The following ABCG2 variants were observed in gnomAD, a reference collection of about 807,000 sequenced individuals.
The protein encoded by ABCG2 is broad substrate specificity ATP-binding cassette transporter ABCG2.
A neutral mutation model predicts 73.5 loss-of-function variants in ABCG2; 80 were observed. That is an observed-to-expected ratio of 1.09 (90% CI 0.91 to 1.31). The LOEUF is 1.31. Among genes scored for constraint, ABCG2 ranks in the 50% most tolerant of loss-of-function variants. The pLI is 0.00. For synonymous variants in ABCG2, 269 were observed against 282.4 expected, an observed-to-expected ratio of 0.95 and a Z score of 0.48; for missense variants, 796 against 786.2, an observed-to-expected ratio of 1.01 and a Z score of -0.15.
chr4:88,228,789 C>T (rs1200132384), intron 1 of ABCG2, among the ~76,000 whole-genome samples: 1 of 152,070 alleles, frequency 6.6e-6, no homozygotes, highest in Non-Finnish European at 1.5e-5. Context: ...TAAAAACACA[C>T]CAATCAGCAC....
chr4:88,092,733 G>GT (rs1721720181), intron 15 of ABCG2, among the ~76,000 whole-genome samples: 1 of 152,160 alleles, frequency 6.6e-6, no homozygotes, highest in Non-Finnish European at 1.5e-5. Flanking sequence ...CTGTAATGCT[G>GT]CTCTCTCCAA....
intron 1 of ABCG2, among the ~76,000 whole-genome samples, chr4:88,169,212 A>G (rs922228796): frequency 2.0e-5 from 3 of 151,908 alleles, no homozygotes; most frequent in African/African-American, 7.3e-5. Flanking sequence ...TGCCCGGCTA[A>G]TTTTTGTATT....
chr4:88,218,903 C>T (rs1295666673), intron 1 of ABCG2, among the ~76,000 whole-genome samples: 3 of 152,170 alleles, frequency 2.0e-5, no homozygotes, highest in Admixed American at 2.0e-4. Flanking sequence ...GTGGGCCATG[C>T]AGTCTTTTTC....
intron 4 of ABCG2, 85 bp from the exon 5 acceptor site, chr4:88,131,298 C>T: frequency 7.2e-7 from 1 of 1,383,520 alleles, no homozygotes; most frequent in Non-Finnish European, 1.0e-6. Flanking sequence ...TAACATAATC[C>T]ACAAAGATAA....
At chr4:88,101,059 T>C (rs1722373719) in intron 11 of ABCG2, among the ~76,000 whole-genome samples, 171 bp downstream of exon 11, 1 of 152,192 alleles carries the variant, frequency 6.6e-6, no homozygotes, top group Non-Finnish European at 1.5e-5. Context: ...CAAAACATCA[T>C]GTTGTATATG....
At chr4:88,195,132 G>A (rs541584631) in intron 1 of ABCG2, among the ~76,000 whole-genome samples, 2 of 152,286 alleles carry the variant, frequency 1.3e-5, no homozygotes, top group South Asian at 4.1e-4. Flanking sequence ...GCCTTAGGAG[G>A]CTAAGGTGGG....
At chr4:88,102,827 C>T (rs1722521964) in intron 10 of ABCG2, among the ~76,000 whole-genome samples, 1 of 151,706 alleles carries the variant, frequency 6.6e-6, no homozygotes, top group Non-Finnish European at 1.5e-5. Flanking sequence ...CCCAAGTGAA[C>T]AACACAATTA....
At chr4:88,202,350 T>TAATATATATATATATATATATATATA (rs1553945697) in intron 1 of ABCG2, among the ~76,000 whole-genome samples, 1 of 35,394 alleles carries the variant, frequency 2.8e-5, no homozygotes, top group Non-Finnish European at 4.8e-5. Context: ...ATCTCTACAA[T>TAATATATATATATATATATATATATA]TATTTATATA....
intron 1 of ABCG2, among the ~76,000 whole-genome samples, chr4:88,224,302 G>A (rs1194005972): frequency 6.6e-6 from 1 of 152,118 alleles, no homozygotes; most frequent in Non-Finnish European, 1.5e-5. Context: ...TCTGGGTGTG[G>A]TGGTGGGTGC....
At position 88,091,737 on chromosome 4, in the gene ABCG2, C is replaced by T. The variant is rs139685238; in HGVS notation, c.*497G>A. ...TATCAAAAAGATTTTTTTTCTATCA[C>T]GGTGGCTTTTTTTACCCTATAAGAC... is the stretch of plus-strand genomic sequence containing the variant. On this transcript the variant is annotated 3_prime_UTR_variant, in exon 16 of 16. Coordinates refer to ENST00000237612, the MANE Select transcript of ABCG2 (RefSeq NM_004827.3). The T allele has an allele frequency of 6.6e-6, 1 of 152,264 alleles. No individual in the cohort carries two copies. Among genetic ancestry groups the T allele is most frequent in the Admixed American group, 6.5e-5 (1 of 15,290 alleles). 9.4% of individuals were successfully genotyped at this position (152,264 alleles called of 1,614,324 possible).
intron 2 of ABCG2, among the ~76,000 whole-genome samples, chr4:88,136,245 T>C (rs902439301): frequency 1.3e-5 from 2 of 152,120 alleles, no homozygotes; most frequent in African/African-American, 4.8e-5. Flanking sequence ...TGTATGCGTA[T>C]GTGTGTAGAC....
chr4:88,123,684 G>C (rs989997616), intron 5 of ABCG2, among the ~76,000 whole-genome samples: 4 of 152,082 alleles, frequency 2.6e-5, no homozygotes, highest in African/African-American at 9.7e-5. Context: ...CAAAACCTAC[G>C]TTTTATTGGT....
chr4:88,230,610 A>C (rs1730428480), intron 1 of ABCG2, among the ~76,000 whole-genome samples: 1 of 152,124 alleles, frequency 6.6e-6, no homozygotes, highest in African/African-American at 2.4e-5. Flanking sequence ...GATAGCCATC[A>C]AAGTAGGTAC....
chr4:88,195,605 A>G (rs1039542370), intron 1 of ABCG2, among the ~76,000 whole-genome samples: 2 of 152,226 alleles, frequency 1.3e-5, no homozygotes, highest in African/African-American at 2.4e-5. Flanking sequence ...GTAAAAGTTT[A>G]TCAAAAAGCT....
intron 10 of ABCG2, among the ~76,000 whole-genome samples, chr4:88,104,779 T>C (rs1722665555): frequency 6.6e-6 from 1 of 152,144 alleles, no homozygotes; most frequent in African/African-American, 2.4e-5. Context: ...TATTGTGAGA[T>C]TCTGTTTCAA....
chr4:88,183,029 G>A (rs1385063085), intron 1 of ABCG2, among the ~76,000 whole-genome samples: 1 of 145,798 alleles, frequency 6.9e-6, no homozygotes, highest in Non-Finnish European at 1.5e-5. Flanking sequence ...AGGTTGCAGT[G>A]AGCCGAGATC....
Position 88,119,588 on chromosome 4 carries a change from G to A in ABCG2, c.690-1328C>T, listed in dbSNP as rs1723822384. 2.0e-5 allele frequency among the ~76,000 whole-genome samples: 3 copies of A among 152,042 alleles called. No homozygotes were observed. In the South Asian group the frequency reaches 6.2e-4, roughly 32 times the overall value. ...CAGATGGAGATGAGGAACTTGTTGG[G>A]AACTGGAATAAAAGTGACTCTTGCT... On this transcript the variant is annotated intron_variant, in intron 6 of 15. Transcript: ENST00000237612.
In ABCG2 at chr4:88,131,222, A is replaced by G; in HGVS notation, c.379-9T>C. 1 of 1,613,504 alleles carries G rather than the reference A, an allele frequency of 6.2e-7. No individual in the cohort carries two copies. Among genetic ancestry groups the G allele is most frequent in the Non-Finnish European group, 8.5e-7 (1 of 1,179,650 alleles). On this transcript the variant is annotated splice_polypyrimidine_tract_variant and intron_variant, in intron 4 of 15. Coordinates refer to ENST00000237612, the MANE Select transcript of ABCG2 (RefSeq NM_004827.3). ...CCCATCACAACATCATCCTTAAGGC[A>G]AATAGCATTTTAATGAGACATAATG...
upstream of ABCG2, chr4:88,159,079 G>T (rs377282230): frequency 2.2e-6 from 1 of 452,940 alleles, no homozygotes; most frequent in East Asian, 7.1e-5. Context: ...GCCCTCCCTC[G>T]GGGCTAGGGT....
Sources: gnomAD v4.1 joint callset for allele counts (sites outside exome capture counted in the v4.1 genomes callset) on GRCh38, gnomAD v4.1.1 for gene constraint, MANE v1.5 for transcripts, NCBI Gene and HGNC (gene_info 2026-07-23, HGNC 2026-07-21) for gene names.